The following KAZN variants were observed in gnomAD, a reference collection of about 807,000 sequenced individuals.
KAZN encodes kazrin.
A neutral mutation model predicts 87.4 loss-of-function variants in KAZN; 40 were observed. That is an observed-to-expected ratio of 0.46 (90% CI 0.36 to 0.60). The LOEUF is 0.60. KAZN is among the 20% of genes least tolerant of loss of function. KAZN has a pLI of 0.00. For missense variants in KAZN, 898 were observed against 1,073.9 expected (o/e 0.84, Z 2.29); for synonymous variants, 466 against 458.3 (o/e 1.02, Z -0.22).
chr1:14,026,650 G>T (rs561330738), intron 1 of KAZN, among the ~76,000 whole-genome samples: 1 of 152,266 alleles, frequency 6.6e-6, no homozygotes, highest in South Asian at 2.1e-4. Context: ...ATGTGCTTAG[G>T]AATCTCCTGG....
At chr1:14,118,602 C>A (rs2101694337) in intron 1 of KAZN, among the ~76,000 whole-genome samples, 1 of 152,362 alleles carries the variant, frequency 6.6e-6, no homozygotes, top group South Asian at 2.1e-4. Flanking sequence ...GCCTTACATG[C>A]TGACCACAGA....
At chr1:13,896,099 C>T (rs1339982572) in intron 1 of KAZN, among the ~76,000 whole-genome samples, 3 of 151,886 alleles carry the variant, frequency 2.0e-5, no homozygotes, top group Admixed American at 6.6e-5. Flanking sequence ...TCAAGTGGTC[C>T]TGCCACCTCT....
At chr1:14,202,301 C>G (rs1646655820) in intron 2 of KAZN, among the ~76,000 whole-genome samples, 1 of 152,168 alleles carries the variant, frequency 6.6e-6, no homozygotes, top group Non-Finnish European at 1.5e-5. Context: ...GTTCAGGCTG[C>G]TTAGGAACAG....
Position 14,452,733 on chromosome 1 carries a change from GC to G in KAZN, c.250-146247del, listed in dbSNP as rs1468445848. ...TGTGTGAAGACACTCTAGTTAAGTT[GC>G]CCTTGACCGCATTTTATGAGGAAAT... On this transcript the variant is annotated intron_variant, in intron 2 of 16. Coordinates refer to the KAZN transcript ENST00000636203. Among the ~76,000 whole-genome samples the G allele has an allele frequency of 2.0e-5, 3 of 152,144 alleles. No homozygotes were observed. In the East Asian group the frequency reaches 5.8e-4, roughly 29 times the overall value.
At chr1:14,847,040 T>C (rs1432231785) in intron 1 of KAZN, among the ~76,000 whole-genome samples, 2 of 152,182 alleles carry the variant, frequency 1.3e-5, no homozygotes, top group Non-Finnish European at 2.9e-5. Flanking sequence ...GAATGTAAAG[T>C]GGGTAGTGAT....
chr1:13,929,142 A>G (rs939474515), intron 1 of KAZN, among the ~76,000 whole-genome samples: 1 of 148,930 alleles, frequency 6.7e-6, no homozygotes, highest in African/African-American at 2.5e-5. Flanking sequence ...GCAGCCTCGA[A>G]ATCCTGGGCT....
intron 2 of KAZN, among the ~76,000 whole-genome samples, chr1:14,267,548 A>G (rs1454229046): frequency 2.0e-5 from 3 of 152,166 alleles, no homozygotes; most frequent in Non-Finnish European, 4.4e-5. Flanking sequence ...TTTTTATAAA[A>G]GAATTGAGCA....
At chr1:14,887,757 C>T (rs978195651) in intron 1 of KAZN, among the ~76,000 whole-genome samples, 4 of 150,944 alleles carry the variant, frequency 2.6e-5, no homozygotes, top group South Asian at 2.1e-4. Flanking sequence ...TCCTTGCTCT[C>T]GGTAATGAGC....
In KAZN at chr1:14,827,965, G is replaced by A. The variant is rs1174884992; in HGVS notation, c.227-132719G>A. ...GGCTGTGGCCCTTCCTGTCATCTTG[G>A]GAAGACGACTAAAGTTAAATAACAT... is the stretch of plus-strand genomic sequence containing the variant. On this transcript the variant is annotated intron_variant, in intron 1 of 14. Coordinates refer to ENST00000376030, the MANE Select transcript of KAZN (RefSeq NM_201628.3). Among the ~76,000 whole-genome samples the A allele has an allele frequency of 2.6e-5, 4 of 152,160 alleles. No individual in the cohort carries two copies. In the South Asian group the frequency reaches 6.2e-4, roughly 24 times the overall value.
chr1:14,674,797 C>CT (rs573226683), intron 1 of KAZN, among the ~76,000 whole-genome samples: 19 of 151,176 alleles, frequency 1.3e-4, no homozygotes, highest in South Asian at 4.2e-4. Flanking sequence ...CTTTTCTTTT[C>CT]TTTTTTTTTA....
At chr1:14,077,560 T>C (rs1467607695) in intron 1 of KAZN, among the ~76,000 whole-genome samples, 1 of 152,218 alleles carries the variant, frequency 6.6e-6, no homozygotes, top group Non-Finnish European at 1.5e-5. Flanking sequence ...ACCTGGAAGA[T>C]GGACCTTGTA....
chr1:14,563,461 T>C (rs1030301212), intron 2 of KAZN, among the ~76,000 whole-genome samples: 2 of 152,222 alleles, frequency 1.3e-5, no homozygotes, highest in African/African-American at 4.8e-5. Context: ...GCTTCTATCA[T>C]GGTCTGTCTT....
intron 2 of KAZN, among the ~76,000 whole-genome samples, chr1:14,235,321 G>A (rs1372190183): frequency 1.3e-5 from 2 of 152,074 alleles, no homozygotes; most frequent in Non-Finnish European, 2.9e-5. Flanking sequence ...TAACATGGAT[G>A]AAGCTTGACA....
At chr1:14,575,356 G>A (rs541307515) in intron 2 of KAZN, among the ~76,000 whole-genome samples, 2 of 152,242 alleles carry the variant, frequency 1.3e-5, no homozygotes, top group South Asian at 2.1e-4. Context: ...AAGGCAAAAG[G>A]CACATCTTAC....
chr1:15,063,889 A>AGAT (rs1037421214), intron 7 of KAZN, among the ~76,000 whole-genome samples: 1 of 151,694 alleles, frequency 6.6e-6, no homozygotes, highest in African/African-American at 2.4e-5. Context: ...CGCACACCCA[A>AGAT]GATGGAGAGG....
intron 2 of KAZN, among the ~76,000 whole-genome samples, chr1:14,257,445 C>A (rs1650609370): frequency 1.4e-5 from 2 of 146,804 alleles, no homozygotes; most frequent in South Asian, 2.2e-4. Flanking sequence ...ATGGTAGTTT[C>A]TTTTGCTGTG....
chr1:15,072,426 C>T (rs757868874), intron 8 of KAZN, among the ~76,000 whole-genome samples: 2 of 152,176 alleles, frequency 1.3e-5, no homozygotes, highest in Non-Finnish European at 2.9e-5. Flanking sequence ...TGCTCTGCCT[C>T]AGAACAGGGA....
At chr1:14,934,729 G>A (rs1328030996) in intron 1 of KAZN, among the ~76,000 whole-genome samples, 5 of 152,248 alleles carry the variant, frequency 3.3e-5, no homozygotes, top group Non-Finnish European at 5.9e-5. Context: ...TGCCCCATCA[G>A]GGTACCAGAG....
At chr1:14,435,859 C>T (rs750483470) in intron 2 of KAZN, among the ~76,000 whole-genome samples, 15 of 151,436 alleles carry the variant, frequency 9.9e-5, no homozygotes, top group South Asian at 2.1e-4. Flanking sequence ...CAGGGCCTAA[C>T]GATATCTTAG....
Sources: gnomAD v4.1 joint callset for allele counts (sites outside exome capture counted in the v4.1 genomes callset) on GRCh38, gnomAD v4.1.1 for gene constraint, MANE v1.5 for transcripts, NCBI Gene and HGNC (gene_info 2026-07-23, HGNC 2026-07-21) for gene names.